The following TRPV1 variants were observed in gnomAD, a reference collection of about 807,000 sequenced individuals.
The protein encoded by TRPV1 is OTRPC1.
In TRPV1, 82 loss-of-function variants were observed where a neutral mutation model predicts 82.3. That is an observed-to-expected ratio of 1.00 (90% CI 0.83 to 1.20). The LOEUF (loss-of-function observed/expected upper bound fraction) is 1.20, where lower values mean the gene tolerates loss of function less well. Among genes scored for constraint, TRPV1 ranks in the 50% most tolerant of loss-of-function variants. The probability of loss-of-function intolerance (pLI) is 0.00; values close to 1 mark genes in which losing one functional copy is unlikely to be tolerated. For synonymous variants in TRPV1, 515 were observed against 467.7 expected (o/e 1.10, Z -1.30); for missense variants, 1,067 against 1,096.8 (o/e 0.97, Z 0.38).
chr17:3,585,566 G>GC, intron 9 of TRPV1: 1 of 606,564 alleles, frequency 1.6e-6, no homozygotes, highest in Non-Finnish European at 2.8e-6. Flanking sequence ...CGGGAAGGGG[G>GC]CGGGTCTCCT....
chr17:3,591,485 CCT>C, intron 3 of TRPV1, 132 bp from the exon 4 acceptor site: 17 of 1,082,030 alleles, frequency 1.6e-5, no homozygotes, highest in Non-Finnish European at 2.2e-5. Flanking sequence ...AAAAGCTGCC[CCT>C]CAGTCTAGGT....
intron 16 of TRPV1, among the ~76,000 whole-genome samples, chr17:3,568,093 C>T (rs1045317461): frequency 9.9e-5 from 15 of 152,200 alleles, no homozygotes; most frequent in East Asian, 1.9e-4. Flanking sequence ...GAGGCCGAGG[C>T]GGGCGGATCA....
At chr17:3,588,814 A>AC in intron 7 of TRPV1, 1 of 417,664 alleles carries the variant, frequency 2.4e-6, no homozygotes, top group Non-Finnish European at 3.0e-6. Flanking sequence ...AACCTCATCT[A>AC]AAAAAAAAAA....
intron 11 of TRPV1, among the ~76,000 whole-genome samples, chr17:3,579,636 T>C (rs965644923): frequency 3.3e-5 from 5 of 151,950 alleles, no homozygotes; most frequent in African/African-American, 9.7e-5. Context: ...CCACCATGCC[T>C]GCCTAATTTT....
intron 10 of TRPV1, among the ~76,000 whole-genome samples, chr17:3,582,957 A>G (rs2075040626): frequency 6.6e-6 from 1 of 152,070 alleles, no homozygotes. Flanking sequence ...AAAAAAAAAA[A>G]AAAAAGATTC....
intron 2 of TRPV1, among the ~76,000 whole-genome samples, chr17:3,606,002 A>G (rs1304612329): frequency 6.6e-6 from 1 of 152,106 alleles, no homozygotes; most frequent in East Asian, 1.9e-4. Flanking sequence ...TCTGTCTCCC[A>G]GACTGGAGTA....
rs115686535 is a variant in TRPV1, at chr17:3,598,262, C to T, written c.-33-5879G>A. The stretch of plus-strand genomic sequence containing the variant: ...CCACTGCCAGGGAGGCCCTCGTAAC[C>T]CTGCCTGGGGTCGCTTGAAAGCTCT... On this transcript the variant is annotated intron_variant, in intron 2 of 16. Coordinates refer to ENST00000572705, the MANE Select transcript of TRPV1 (RefSeq NM_080704.4). Among the ~76,000 whole-genome samples, 488 of 152,306 alleles carry T rather than the reference C, an allele frequency of 3.2e-3. 1 individual carries two copies. Among genetic ancestry groups the T allele is most frequent in the African/African-American group, 0.011 (461 of 41,564 alleles).
intron 16 of TRPV1, among the ~76,000 whole-genome samples, chr17:3,568,094 G>A (rs1187188380): frequency 7.2e-5 from 11 of 152,176 alleles, no homozygotes; most frequent in Admixed American, 2.0e-4. Context: ...AGGCCGAGGC[G>A]GGCGGATCAC....
Position 3,592,292 on chromosome 17 carries a change from G to A in TRPV1, c.59C>T (p.Thr20Ile), listed in dbSNP as rs771925886. The change falls in exon 3 of 17, where the codon ACC becomes ATC. Residue 20 changes from threonine to isoleucine, a missense_variant. Coordinates refer to ENST00000572705, the MANE Select transcript of TRPV1 (RefSeq NM_080704.4). The part of the protein sequence containing the change: ...GAAADPLQKD[T>I]CPDPLDGDPN... ...GTCTCCATCCAGGGGGTCTGGGCAG[G>A]TGTCCTTTTGGAGTGGGTCCGCAGC... 1.9e-6 allele frequency: 3 copies of A among 1,603,008 alleles called. No homozygotes were observed. The highest frequency in any genetic ancestry group is 1.1e-5 in the South Asian group (1 of 89,510).
chr17:3,590,516 G>C, intron 5 of TRPV1, 124 bp from the exon 6 acceptor site: 1 of 1,424,716 alleles, frequency 7.0e-7, no homozygotes, highest in Non-Finnish European at 9.3e-7. Context: ...AAAGTGCCTG[G>C]AGGACCCCCC....
Position 3,566,720 on chromosome 17 carries a change from G to GGCT in TRPV1, c.*92_*94dup. ...TGCTGGGCAGGCACAGACCAGGCCA[G>GGCT]GCTGCTGACAGAGCACTGGTGTTCC... is the stretch of plus-strand genomic sequence containing the variant. On this transcript the variant is annotated 3_prime_UTR_variant, in exon 17 of 17. Coordinates refer to ENST00000572705, the MANE Select transcript of TRPV1 (RefSeq NM_080704.4). The GGCT allele has an allele frequency of 6.8e-7, 1 of 1,477,508 alleles. No individual in the cohort carries two copies. The highest frequency in any genetic ancestry group is 9.2e-7 in the Non-Finnish European group (1 of 1,091,700). The allele number at this position is 1,477,508 out of a possible 1,614,324, so 91.5% of individuals were successfully genotyped here.
At chr17:3,598,292 CCT>C (rs903286384) in intron 2 of TRPV1, among the ~76,000 whole-genome samples, 25 of 152,324 alleles carry the variant, frequency 1.6e-4, no homozygotes, top group African/African-American at 3.1e-4. Context: ...AGCTCTGACC[CCT>C]GAGTCAAGGC....
Position 3,609,327 on chromosome 17 carries a change from GA to G in TRPV1, c.-192del, listed in dbSNP as rs1436151064. On this transcript the variant is annotated 5_prime_UTR_variant, in exon 1 of 17. Transcript: ENST00000572705. ...TTCATACCTGTCATGGATACTGAGA[GA>G]GAGAGAGAGAGAGAGAGAGAGAATA... 1 of 63,106 alleles carries G rather than the reference GA, an allele frequency of 1.6e-5. No homozygotes were observed. Among genetic ancestry groups the G allele is most frequent in the Non-Finnish European group, 4.7e-5 (1 of 21,474 alleles). The allele number at this position is 63,106 out of a possible 1,614,324, so 3.9% of individuals were successfully genotyped here. A position where few individuals can be genotyped will look rare whatever the true frequency, so the allele number is the denominator to read the frequency against.
In TRPV1 at chr17:3,580,380, C is replaced by T. The variant is rs1196675115; in HGVS notation, c.1547+77G>A. The T allele has an allele frequency of 3.6e-5, 53 of 1,476,760 alleles. 1 individual carries two copies. Among genetic ancestry groups the T allele is most frequent in the Middle Eastern group, 1.8e-4 (1 of 5,506 alleles). 91.5% of individuals were successfully genotyped at this position (1,476,760 alleles called of 1,614,324 possible). A position where few individuals can be genotyped will look rare whatever the true frequency, so the allele number is the denominator to read the frequency against. On this transcript the variant is annotated intron_variant, in intron 11 of 16. Transcript: ENST00000572705. ...AGGTCCCACTATGTGCCAGGCCCGGCGTGAGTGAGACCTCAAGTGAGAACT... is the reference window on the plus strand; with the variant it reads ...AGGTCCCACTATGTGCCAGGCCCGGTGTGAGTGAGACCTCAAGTGAGAACT...
chr17:3,584,402 C>CAAAAAAAAAAAAAA lies in TRPV1; in HGVS notation c.1384-986_1384-973dup, dbSNP rs1447579699. 6.7e-3 allele frequency among the ~76,000 whole-genome samples: 112 copies of CAAAAAAAAAAAAAA among 16,754 alleles called. 15 individuals carry two copies. The highest frequency in any genetic ancestry group is 0.025 in the African/African-American group (106 of 4,326). The allele number at this position is 16,754 out of a possible 152,430, so 11.0% of individuals were successfully genotyped here. ...TGGAAAACAGAGAGAGACTCTGTCTCAAAAAAAAAAAAAATAAAATAAAAA... is the reference window on the plus strand; with the variant it reads ...TGGAAAACAGAGAGAGACTCTGTCTCAAAAAAAAAAAAAAAAAAAAAAAAAAAATAAAATAAAAA... On this transcript the variant is annotated intron_variant, in intron 9 of 16. Coordinates refer to ENST00000572705, the MANE Select transcript of TRPV1 (RefSeq NM_080704.4).
chr17:3,572,289 A>C, intron 14 of TRPV1, 40 bp from the exon 15 acceptor site: 1 of 1,576,966 alleles, frequency 6.3e-7, no homozygotes, highest in Non-Finnish European at 8.6e-7. Flanking sequence ...TGAGGGGCAG[A>C]GGGTGCATCC....
At chr17:3,567,364 C>T (rs1167436760) in intron 16 of TRPV1, among the ~76,000 whole-genome samples, 5 of 106,290 alleles carry the variant, frequency 4.7e-5, no homozygotes, top group East Asian at 2.6e-4. Context: ...AGCAAAACTC[C>T]GTCTCAAAAA....
chr17:3,573,903 G>A lies in TRPV1; in HGVS notation c.1833C>T (p.Ser611=). ...DGKNDSLPSE[S]TSHRWRGPAC... The stretch of plus-strand genomic sequence containing the variant: ...CAGGCCCCCGCCACCTGTGCGACGT[G>A]GACTCAGACGGCAGGGAGTCATTCT... Residue 611 remains serine, a synonymous_variant, in exon 14 of 17, where the codon TCC becomes TCT. Coordinates refer to ENST00000572705, the MANE Select transcript of TRPV1 (RefSeq NM_080704.4). 2 of 1,609,616 alleles carry A rather than the reference G, an allele frequency of 1.2e-6. No individual in the cohort carries two copies. Among genetic ancestry groups the A allele is most frequent in the Non-Finnish European group, 1.7e-6 (2 of 1,178,882 alleles).
chr17:3,577,199 G>T lies in TRPV1; in HGVS notation c.1714-7C>A. 1 of 1,575,578 alleles carries T rather than the reference G, an allele frequency of 6.3e-7. No individual in the cohort carries two copies. Among genetic ancestry groups the T allele is most frequent in the Non-Finnish European group, 8.6e-7 (1 of 1,161,038 alleles). On this transcript the variant is annotated splice_region_variant and splice_polypyrimidine_tract_variant and intron_variant, in intron 12 of 16. Transcript: ENST00000572705. Reference sequence around the variant, plus strand: ...ACAGGTCTCTCAGGATCATCTGCAGGAGACAGCAGGCTCATCAGAGCCGAG... The same window carrying T: ...ACAGGTCTCTCAGGATCATCTGCAGTAGACAGCAGGCTCATCAGAGCCGAG...
Sources: allele counts gnomAD v4.1 joint callset (sites outside exome capture counted in the v4.1 genomes callset), GRCh38; gene constraint gnomAD v4.1.1; transcripts MANE v1.5; gene names NCBI Gene and HGNC (gene_info 2026-07-23, HGNC 2026-07-21).